The following PKD2 variants were observed in gnomAD, a reference collection of about 807,000 sequenced individuals.
PKD2 encodes polycystin 2, transient receptor potential cation channel.
In PKD2, 48 loss-of-function variants were observed where a neutral mutation model predicts 105.9. The ratio of observed to expected loss-of-function variants is 0.45; its 90% CI spans 0.36 to 0.58. The LOEUF (loss-of-function observed/expected upper bound fraction) is 0.58, where lower values mean the gene tolerates loss of function less well. Ranked by LOEUF, PKD2 falls within the 20% of genes least tolerant of loss-of-function variation. The probability of loss-of-function intolerance (pLI) is 0.00; values close to 1 mark genes in which losing one functional copy is unlikely to be tolerated. For missense variants in PKD2, 1,078 were observed against 1,255.3 expected (o/e 0.86, Z 2.13); for synonymous variants, 464 against 481.1 (o/e 0.96, Z 0.46).
chr4:88,057,681 G>A (rs1418958233), intron 8 of PKD2, among the ~76,000 whole-genome samples: 2 of 151,922 alleles, frequency 1.3e-5, no homozygotes, highest in Admixed American at 6.6e-5. Context: ...TGATCCGCCC[G>A]CCTCGGCCTC....
At chr4:88,051,096 A>T (rs1258102160) in intron 6 of PKD2, among the ~76,000 whole-genome samples, 1 of 152,202 alleles carries the variant, frequency 6.6e-6, no homozygotes, top group African/African-American at 2.4e-5. Flanking sequence ...GTGGTGATGG[A>T]TGCCAAGGAG....
chr4:88,056,457 G>C (rs1021135751), intron 8 of PKD2, among the ~76,000 whole-genome samples, 190 bp downstream of exon 8: 1 of 152,156 alleles, frequency 6.6e-6, no homozygotes, highest in African/African-American at 2.4e-5. Flanking sequence ...CTGAAATGCT[G>C]ATGCTTAAGA....
At chr4:88,075,378 C>A (rs1255297433) in intron 14 of PKD2, 80 bp from the exon 15 acceptor site, 1 of 1,021,738 alleles carries the variant, frequency 9.8e-7, no homozygotes. Context: ...CCTTACCAAA[C>A]TACAGATTAT....
At chr4:88,056,327 A>G (rs1720329428) in intron 8 of PKD2, 60 bp downstream of exon 8, 1 of 1,006,708 alleles carries the variant, frequency 9.9e-7, no homozygotes, top group Non-Finnish European at 1.5e-6. Flanking sequence ...CTTCTCAAGA[A>G]TAAATCTTCA....
intron 2 of PKD2, among the ~76,000 whole-genome samples, chr4:88,029,708 G>A (rs1021589809): frequency 5.3e-5 from 8 of 152,220 alleles, no homozygotes; most frequent in Admixed American, 4.6e-4. Flanking sequence ...GACCTTAAAT[G>A]TGATAAGTGA....
intron 2 of PKD2, among the ~76,000 whole-genome samples, chr4:88,028,077 A>G (rs1727021309): frequency 6.6e-6 from 1 of 152,262 alleles, no homozygotes; most frequent in Non-Finnish European, 1.5e-5. Flanking sequence ...GAAACGAACA[A>G]CAAAATCATA....
At chr4:88,032,637 A>G (rs1450503219) in intron 2 of PKD2, among the ~76,000 whole-genome samples, 1 of 152,160 alleles carries the variant, frequency 6.6e-6, no homozygotes, top group Non-Finnish European at 1.5e-5. Flanking sequence ...ATTTAAGGTT[A>G]TCTATTTCAT....
At chr4:88,027,911 G>T (rs1239176041) in intron 2 of PKD2, among the ~76,000 whole-genome samples, 1 of 152,190 alleles carries the variant, frequency 6.6e-6, no homozygotes, top group Non-Finnish European at 1.5e-5. Flanking sequence ...ATGATTGTAA[G>T]TTTCCTGAGG....
At chr4:88,016,547 C>A (rs1726567770) in intron 1 of PKD2, among the ~76,000 whole-genome samples, 1 of 152,152 alleles carries the variant, frequency 6.6e-6, no homozygotes, top group South Asian at 2.1e-4. Context: ...TCTCACCCAC[C>A]AGGATGTAAA....
Position 88,050,609 on chromosome 4 carries a change from G to T in PKD2, c.1549-1382G>T, listed in dbSNP as rs1370712901. ...TGTGCAGAGTAAAAACAACTGGACT[G>T]CATAACAAATTATACCTATTGAGAG... On this transcript the variant is annotated intron_variant, in intron 6 of 14. Transcript: ENST00000237596. Among the ~76,000 whole-genome samples the T allele has an allele frequency of 2.6e-5, 4 of 152,170 alleles. No homozygotes were observed. The South Asian group carries it at 6.2e-4, about 24-fold the overall frequency.
At position 88,022,983 on chromosome 4, in the gene PKD2, A is replaced by G. The variant is rs190321259; in HGVS notation, c.709+3412A>G. ...GTAGTCCCAGCCACCCAGGAGGCTG[A>G]GGTGGGAAAATTGTTTGAAGCTGGG... On this transcript the variant is annotated intron_variant, in intron 2 of 14. Transcript: ENST00000237596. 3.5e-3 allele frequency among the ~76,000 whole-genome samples: 531 copies of G among 152,226 alleles called. 6 individuals are homozygous for G. The highest frequency in any genetic ancestry group is 0.012 in the African/African-American group (505 of 41,534).
intron 3 of PKD2, 128 bp from the exon 4 acceptor site, chr4:88,038,122 CA>C: frequency 9.8e-7 from 1 of 1,019,892 alleles, no homozygotes; most frequent in Non-Finnish European, 1.5e-6. Flanking sequence ...TCTCTGACAA[CA>C]AAACTCATTC....
intron 1 of PKD2, among the ~76,000 whole-genome samples, chr4:88,017,346 C>A (rs1726595476): frequency 6.6e-6 from 1 of 152,154 alleles, no homozygotes; most frequent in Admixed American, 6.5e-5. Flanking sequence ...TTGTTTCTTT[C>A]CATTTGCAAT....
chr4:88,058,150 A>G (rs1720433180), intron 9 of PKD2, 47 bp downstream of exon 9: 1 of 1,173,328 alleles, frequency 8.5e-7, no homozygotes, highest in Admixed American at 1.7e-5. Context: ...AACTTCGTAA[A>G]TCCTTGTCTT....
At chr4:88,068,624 G>C (rs1322829165) in intron 13 of PKD2, among the ~76,000 whole-genome samples, 1 of 152,102 alleles carries the variant, frequency 6.6e-6, no homozygotes, top group Admixed American at 6.5e-5. Context: ...GTCTCTATTT[G>C]CATGTGTTTA....
intron 1 of PKD2, among the ~76,000 whole-genome samples, chr4:88,017,078 C>G (rs1327970648): frequency 6.6e-6 from 1 of 151,916 alleles, no homozygotes; most frequent in Non-Finnish European, 1.5e-5. Context: ...AATCCCAGCA[C>G]TTTGGGAGGC....
intron 13 of PKD2, among the ~76,000 whole-genome samples, chr4:88,070,418 C>T (rs1720966500): frequency 6.6e-6 from 1 of 151,852 alleles, no homozygotes; most frequent in South Asian, 2.1e-4. Flanking sequence ...ACATATTTCT[C>T]TTAGGCTCTG....
intron 1 of PKD2, among the ~76,000 whole-genome samples, chr4:88,016,726 C>G (rs1208480311): frequency 1.3e-5 from 2 of 150,468 alleles, no homozygotes; most frequent in African/African-American, 2.4e-5. Flanking sequence ...TTTGAGAGGC[C>G]AAGGTGAGAG....
rs541892365 is a variant in PKD2 at position 88,014,750 on chromosome 4, G to A, written c.596-4708G>A. ...TCACAATGAACTGATAGTTCAGATG[G>A]ATTTGAGTCTTTATACCACTCTGGA... On this transcript the variant is annotated intron_variant, in intron 1 of 14. Coordinates refer to ENST00000237596, the MANE Select transcript of PKD2 (RefSeq NM_000297.4). 4.6e-5 allele frequency among the ~76,000 whole-genome samples: 7 copies of A among 152,316 alleles called. No individual in the cohort carries two copies. The East Asian group carries it at 1.3e-3, about 29-fold the overall frequency.
Sources: allele counts gnomAD v4.1 joint callset (sites outside exome capture counted in the v4.1 genomes callset), GRCh38; gene constraint gnomAD v4.1.1; transcripts MANE v1.5; gene names NCBI Gene and HGNC (gene_info 2026-07-23, HGNC 2026-07-21).